PTPRH: variants seen among roughly 807,000 people sequenced by gnomAD.
PTPRH encodes protein tyrosine phosphatase receptor type H.
A neutral mutation model predicts 130.2 loss-of-function variants in PTPRH; 113 were observed. The ratio of observed to expected loss-of-function variants is 0.87; its 90% CI spans 0.75 to 1.01. The LOEUF (loss-of-function observed/expected upper bound fraction) is 1.01, where lower values mean the gene tolerates loss of function less well. Ranked by LOEUF, PTPRH falls within the 50% of genes least tolerant of loss-of-function variation. The pLI is 0.00. For missense variants in PTPRH, 1,430 were observed against 1,425.0 expected (o/e 1.00, Z -0.06); for synonymous variants, 556 against 577.9 (o/e 0.96, Z 0.54).
chr19:55,200,130 GCAGAGCCTACGGACTA>G, intron 7 of PTPRH, 90 bp downstream of exon 7: 1 of 1,309,190 alleles, frequency 7.6e-7, no homozygotes, highest in Non-Finnish European at 1.1e-6. Flanking sequence ...GCAGATGTCT[GCAGAGCCTACGGACTA>G]CAGAGCCAGA....
chr19:55,194,167 G>A, intron 10 of PTPRH: 2 of 1,288,802 alleles, frequency 1.6e-6, no homozygotes, highest in Non-Finnish European at 2.0e-6. Context: ...TGGTGTCTAT[G>A]GGTGCTCTCA....
At chr19:55,187,439 T>C in intron 14 of PTPRH, 74 bp downstream of exon 14, 2 of 1,078,228 alleles carry the variant, frequency 1.9e-6, no homozygotes, top group Non-Finnish European at 2.7e-6. Context: ...TCAAAGCGGG[T>C]AGGAGAAGGG....
intron 10 of PTPRH, chr19:55,194,405 C>A: frequency 9.1e-7 from 1 of 1,099,558 alleles, no homozygotes; most frequent in Non-Finnish European, 1.2e-6. Context: ...ACTAGAGGAC[C>A]TGTTCTCTCA....
At chr19:55,197,538 G>A (rs904675993) in intron 8 of PTPRH, 122 bp from the exon 9 acceptor site, 11 of 923,136 alleles carry the variant, frequency 1.2e-5, no homozygotes, top group African/African-American at 1.7e-5. Context: ...TGGCTAAGGA[G>A]GCTGAACCAC....
chr19:55,187,531 A>T lies in PTPRH; in HGVS notation c.2548T>A (p.Tyr850Asn), dbSNP rs1186862960. ...GACTCACAGGGCAGCACATTTCTGT[A>T]GCGGTTCTTGGCGTTGTTCTCTGAA... ...SASENNAKNRYRNVLPYDWSR... is the reference protein window; with the variant it reads ...SASENNAKNRNRNVLPYDWSR... Residue 850 changes from tyrosine (Y) to asparagine (N), a missense_variant, in exon 14 of 20, where the codon TAC (tyrosine) becomes AAC (asparagine). Coordinates refer to ENST00000376350, the MANE Select transcript of PTPRH (RefSeq NM_002842.5). 3.7e-6 allele frequency: 6 copies of T among 1,612,588 alleles called. No individual in the cohort carries two copies. Among genetic ancestry groups the T allele is most frequent in the Non-Finnish European group, 5.1e-6 (6 of 1,179,116 alleles).
intron 8 of PTPRH, 39 bp downstream of exon 8, chr19:55,198,598 TCCCCCA>T: frequency 6.7e-7 from 1 of 1,501,502 alleles, no homozygotes; most frequent in Admixed American, 2.2e-5. Context: ...TCTTTTTCCT[TCCCCCA>T]TCCTAATAGG....
intron 10 of PTPRH, among the ~76,000 whole-genome samples, chr19:55,192,800 C>G (rs2086580908): frequency 6.6e-6 from 1 of 151,844 alleles, no homozygotes; most frequent in African/African-American, 2.4e-5. Context: ...ATCCACCTGC[C>G]TCAGCCTCCC....
intron 13 of PTPRH, among the ~76,000 whole-genome samples, chr19:55,187,838 A>G (rs529632143): frequency 6.8e-6 from 1 of 146,020 alleles, no homozygotes; most frequent in Non-Finnish European, 1.6e-5. Context: ...AGCAGGTGTC[A>G]GGGGAGAAAG....
chr19:55,194,609 T>C (rs2086633087), intron 10 of PTPRH, among the ~76,000 whole-genome samples: 2 of 152,138 alleles, frequency 1.3e-5, no homozygotes, highest in Admixed American at 1.3e-4. Context: ...TCTTGGTACA[T>C]GGCCAGGTCT....
At chr19:55,190,142 A>G (rs1044328552) in intron 12 of PTPRH, among the ~76,000 whole-genome samples, 1 of 152,106 alleles carries the variant, frequency 6.6e-6, no homozygotes, top group Non-Finnish European at 1.5e-5. Flanking sequence ...AGGCCGAGGC[A>G]GGTGGATCAC....
intron 10 of PTPRH, among the ~76,000 whole-genome samples, chr19:55,193,527 C>G (rs940870476): frequency 2.6e-5 from 4 of 152,198 alleles, no homozygotes; most frequent in African/African-American, 9.6e-5. Context: ...CCCAAAGAGA[C>G]ACCGGGCAAT....
At chr19:55,192,351 C>G (rs907474157) in intron 10 of PTPRH, among the ~76,000 whole-genome samples, 10 of 151,488 alleles carry the variant, frequency 6.6e-5, no homozygotes, top group African/African-American at 1.5e-4. Flanking sequence ...GCAGTGAGCC[C>G]AGATCACACT....
At chr19:55,187,365 A>T (rs2086387171) in intron 14 of PTPRH, 148 bp downstream of exon 14, 1 of 390,858 alleles carries the variant, frequency 2.6e-6, no homozygotes, top group Non-Finnish European at 4.1e-6. Flanking sequence ...AAAAAAGAAA[A>T]AAAGAAAAAA....
intron 4 of PTPRH, among the ~76,000 whole-genome samples, 173 bp downstream of exon 4, chr19:55,205,153 A>G (rs1375163021): frequency 6.6e-6 from 1 of 152,204 alleles, no homozygotes; most frequent in African/African-American, 2.4e-5. Context: ...AGCTGGAGGT[A>G]CCATGGACAT....
At chr19:55,188,026 G>A in intron 13 of PTPRH, 52 bp downstream of exon 13, 1 of 1,392,064 alleles carries the variant, frequency 7.2e-7, no homozygotes, top group South Asian at 1.2e-5. Context: ...GGGGGGTGGG[G>A]GTCTGGGCCA....
intron 13 of PTPRH, 139 bp downstream of exon 13, chr19:55,187,939 A>G (rs1242055976): frequency 3.1e-6 from 2 of 649,990 alleles, no homozygotes; most frequent in Non-Finnish European, 5.5e-6. Flanking sequence ...CATGGCTGGG[A>G]ATCTCTGCAC....
At chr19:55,192,027 T>A (rs1479243973) in intron 10 of PTPRH, 1 of 557,552 alleles carries the variant, frequency 1.8e-6, no homozygotes, top group South Asian at 1.6e-5. Flanking sequence ...ATGATCTACT[T>A]AATAAATAGC....
In PTPRH at chr19:55,204,193, C is replaced by G. The variant is rs553727406; in HGVS notation, c.620-145G>C. 3.3e-6 allele frequency: 3 copies of G among 910,906 alleles called. No homozygotes were observed. In the East Asian group the frequency reaches 8.0e-5, roughly 24 times the overall value. The allele number at this position is 910,906 out of a possible 1,614,324, so 56.4% of individuals were successfully genotyped here. ...GGAGTGCAGTGGCACGATCTCGGCT[C>G]ACCACAGCCTCCGCCGTCCGGGTTC... On this transcript the variant is annotated intron_variant, in intron 4 of 19. Transcript: ENST00000376350.
Position 55,209,466 on chromosome 19 carries a change from C to A in PTPRH, c.-33G>T. The A allele has an allele frequency of 6.9e-7, 1 of 1,459,456 alleles. No individual in the cohort carries two copies. The highest frequency in any genetic ancestry group is 1.2e-5 in the South Asian group (1 of 82,172). The allele number at this position is 1,459,456 out of a possible 1,614,324, so 90.4% of individuals were successfully genotyped here. ...GACACTGCCGGGGACCCAGGAGTCC[C>A]AGGCCTAGTCCTTCCACCTGCTGGA... On this transcript the variant is annotated 5_prime_UTR_variant, in exon 1 of 20. Transcript: ENST00000376350. The surrounding 1 kb of genome is among the most constrained non-coding windows in gnomAD (Gnocchi z 4.1).
Sources: allele counts gnomAD v4.1 joint callset (sites outside exome capture counted in the v4.1 genomes callset), GRCh38; gene constraint gnomAD v4.1.1; non-coding constraint Gnocchi (gnomAD v3.1); transcripts MANE v1.5; gene names NCBI Gene and HGNC (gene_info 2026-07-23, HGNC 2026-07-21).